DPYD: variants seen among roughly 807,000 people sequenced by gnomAD.
DPYD encodes dihydropyrimidine dehydrogenase, also known as dihydropyrimidine dehydrogenase [NADP(+)].
DPYD carries 109 observed loss-of-function variants against 116.2 expected under a neutral mutation model. The observed-to-expected ratio is 0.94, with a 90% CI of 0.80 to 1.10. DPYD has a LOEUF of 1.10. Among genes scored for constraint, DPYD ranks in the 50% least tolerant of loss-of-function variants. The pLI is 0.00. For missense variants in DPYD, 1,302 were observed against 1,254.5 expected, an observed-to-expected ratio of 1.04 and a Z score of -0.57; for synonymous variants, 440 against 432.0, an observed-to-expected ratio of 1.02 and a Z score of -0.23.
intron 1 of DPYD, among the ~76,000 whole-genome samples, chr1:97,913,399 T>A (rs1245721531): frequency 6.6e-6 from 1 of 152,104 alleles, no homozygotes; most frequent in Non-Finnish European, 1.5e-5. Context: ...ATATTTTATT[T>A]CAAACCATCC....
At chr1:97,530,364 CCCA>C (rs1649526994) in intron 12 of DPYD, among the ~76,000 whole-genome samples, 2 of 151,672 alleles carry the variant, frequency 1.3e-5, no homozygotes, top group Admixed American at 1.3e-4. Context: ...ACTACAGGCG[CCCA>C]CCACCACGCC....
At chr1:97,673,077 T>C (rs761333340) in intron 8 of DPYD, among the ~76,000 whole-genome samples, 42 of 152,104 alleles carry the variant, frequency 2.8e-4, no homozygotes, top group Non-Finnish European at 3.4e-4. Context: ...TGAGTCACAA[T>C]TGAAGTATGG....
chr1:97,431,479 T>C (rs1307139183), intron 14 of DPYD, among the ~76,000 whole-genome samples: 1 of 152,158 alleles, frequency 6.6e-6, no homozygotes, highest in Non-Finnish European at 1.5e-5. Flanking sequence ...ATATGAATGT[T>C]AGAACTTCTG....
At chr1:97,135,802 A>T (rs557528611) in intron 20 of DPYD, among the ~76,000 whole-genome samples, 1 of 152,304 alleles carries the variant, frequency 6.6e-6, no homozygotes, top group South Asian at 2.1e-4. Flanking sequence ...TTAAAAGCAG[A>T]TGTCTAGACA....
intron 13 of DPYD, among the ~76,000 whole-genome samples, chr1:97,469,282 A>G (rs1377660808): frequency 6.6e-6 from 1 of 152,002 alleles, no homozygotes; most frequent in Admixed American, 6.6e-5. Flanking sequence ...TCTAAGTGCA[A>G]TAAAACCTCA....
intron 18 of DPYD, chr1:97,295,633 G>T: frequency 3.2e-6 from 1 of 312,956 alleles, no homozygotes; most frequent in Non-Finnish European, 4.6e-6. Context: ...GTTTCACCAT[G>T]TTGCTCAGGC....
intron 3 of DPYD, among the ~76,000 whole-genome samples, chr1:97,759,076 T>G (rs1665425947): frequency 6.6e-6 from 1 of 152,144 alleles, no homozygotes; most frequent in Non-Finnish European, 1.5e-5. Flanking sequence ...TTGCTGGTGT[T>G]CATGCCCATT....
intron 20 of DPYD, among the ~76,000 whole-genome samples, chr1:97,188,942 A>G (rs1360130498): frequency 6.6e-6 from 1 of 150,780 alleles, no homozygotes; most frequent in Non-Finnish European, 1.5e-5. Context: ...ATAAAAAGGA[A>G]CTTTAAGTTC....
intron 3 of DPYD, among the ~76,000 whole-genome samples, chr1:97,768,979 T>TA (rs1477657468): frequency 3.3e-5 from 5 of 151,756 alleles, no homozygotes; most frequent in Admixed American, 2.6e-4. Flanking sequence ...AAAAAACACA[T>TA]AAAAAACTCG....
intron 16 of DPYD, among the ~76,000 whole-genome samples, chr1:97,330,759 T>C (rs1668944532): frequency 6.6e-6 from 1 of 152,280 alleles, no homozygotes; most frequent in Non-Finnish European, 1.5e-5. Context: ...AAATTATCCA[T>C]TTGCTTTTAT....
At chr1:97,468,117 T>C (rs776824297) in intron 13 of DPYD, among the ~76,000 whole-genome samples, 30 of 152,326 alleles carry the variant, frequency 2.0e-4, no homozygotes, top group Non-Finnish European at 4.0e-4. Flanking sequence ...ACTGAGTGAG[T>C]GTGTCTATGT....
chr1:97,247,309 G>A (rs1302021375), intron 18 of DPYD, among the ~76,000 whole-genome samples: 3 of 152,106 alleles, frequency 2.0e-5, no homozygotes, highest in Admixed American at 1.3e-4. Flanking sequence ...CATTATTTCA[G>A]ACAAGATCTC....
chr1:97,104,477 C>T (rs1650988526), intron 20 of DPYD, among the ~76,000 whole-genome samples: 1 of 151,982 alleles, frequency 6.6e-6, no homozygotes, highest in African/African-American at 2.4e-5. Context: ...ATATTAATAA[C>T]AATTGCAATA....
intron 20 of DPYD, among the ~76,000 whole-genome samples, chr1:97,099,387 G>C (rs1341234459): frequency 1.3e-5 from 2 of 152,064 alleles, no homozygotes; most frequent in African/African-American, 4.8e-5. Context: ...AGTTCATTTA[G>C]AAAGATACCT....
intron 8 of DPYD, among the ~76,000 whole-genome samples, chr1:97,618,368 AT>A (rs1047845498): frequency 6.3e-5 from 9 of 142,794 alleles, no homozygotes; most frequent in South Asian, 4.6e-4. Flanking sequence ...TCTGTCAAGG[AT>A]TTTTTTTCTT....
intron 2 of DPYD, among the ~76,000 whole-genome samples, chr1:97,845,487 C>G (rs1011230700): frequency 3.9e-5 from 6 of 152,162 alleles, no homozygotes; most frequent in African/African-American, 7.2e-5. Flanking sequence ...ATTAGGACGA[C>G]CTGCCTGTGG....
chr1:97,823,247 C>G (rs1157344463), intron 3 of DPYD, among the ~76,000 whole-genome samples: 1 of 151,996 alleles, frequency 6.6e-6, no homozygotes, highest in Non-Finnish European at 1.5e-5. Flanking sequence ...CTCCACCTCC[C>G]CGGTTCATGC....
At chr1:97,584,177 T>A (rs1037501805) in intron 10 of DPYD, among the ~76,000 whole-genome samples, 54 of 152,246 alleles carry the variant, frequency 3.5e-4, no homozygotes, top group Non-Finnish European at 2.4e-4. Context: ...ATGATGAGCA[T>A]TTTTTCATGT....
At chr1:97,264,009 T>A (rs1664055279) in intron 18 of DPYD, among the ~76,000 whole-genome samples, 1 of 152,032 alleles carries the variant, frequency 6.6e-6, no homozygotes, top group African/African-American at 2.4e-5. Context: ...TTTTATCTAT[T>A]TTTTTCTAAA....
Sources: allele counts gnomAD v4.1 joint callset (sites outside exome capture counted in the v4.1 genomes callset), GRCh38; gene constraint gnomAD v4.1.1; transcripts MANE v1.5; gene names NCBI Gene and HGNC (gene_info 2026-07-23, HGNC 2026-07-21).